Variants in ETFA observed in about 807,000 individuals in gnomAD.
The protein encoded by ETFA is electron transfer flavoprotein subunit alpha, mitochondrial.
ETFA carries 22 observed loss-of-function variants against 46.2 expected under a neutral mutation model. The ratio of observed to expected loss-of-function variants is 0.48; its 90% CI spans 0.34 to 0.68. The LOEUF is 0.68. Among genes scored for constraint, ETFA ranks in the 30% least tolerant of loss-of-function variants. The pLI, the probability that ETFA is intolerant of heterozygous loss-of-function variation, is 0.01. For missense variants in ETFA, 345 were observed against 401.1 expected (o/e 0.86, Z 1.19); for synonymous variants, 131 against 139.9 (o/e 0.94, Z 0.45).
intron 9 of ETFA, 116 bp downstream of exon 9, chr15:76,274,296 T>C: frequency 1.2e-6 from 1 of 817,148 alleles, no homozygotes; most frequent in Non-Finnish European, 2.1e-6. Context: ...ACCATGGTAC[T>C]GGCTAACTGC....
chr15:76,274,849 A>G (rs1400413990), intron 8 of ETFA, among the ~76,000 whole-genome samples: 1 of 152,218 alleles, frequency 6.6e-6, no homozygotes, highest in African/African-American at 2.4e-5. Context: ...AGAGTTTCAT[A>G]TAACAAGATG....
chr15:76,244,329 A>G (rs1433464424), intron 9 of ETFA, among the ~76,000 whole-genome samples: 4 of 152,272 alleles, frequency 2.6e-5, no homozygotes, highest in African/African-American at 9.6e-5. Flanking sequence ...AGTTAAAAAT[A>G]AATTTACTAT....
intron 1 of ETFA, among the ~76,000 whole-genome samples, chr15:76,304,903 C>T (rs996562924): frequency 1.3e-5 from 2 of 151,416 alleles, no homozygotes; most frequent in South Asian, 2.1e-4. Flanking sequence ...ATTAGCCGGG[C>T]GTGGTGGCGG....
chr15:76,292,821 A>G, intron 2 of ETFA, 121 bp from the exon 3 acceptor site: 1 of 782,156 alleles, frequency 1.3e-6, no homozygotes, highest in Non-Finnish European at 2.3e-6. Flanking sequence ...TATTCTTATT[A>G]GCAAAAGGGC....
At chr15:76,302,679 G>A (rs2039891978) in intron 1 of ETFA, among the ~76,000 whole-genome samples, 1 of 152,168 alleles carries the variant, frequency 6.6e-6, no homozygotes, top group African/African-American at 2.4e-5. Context: ...TGGACTCTGG[G>A]AAATGCTGAT....
chr15:76,224,834 G>A (rs967843535), intron 11 of ETFA, among the ~76,000 whole-genome samples: 4 of 152,192 alleles, frequency 2.6e-5, no homozygotes, highest in Non-Finnish European at 2.9e-5. Context: ...GGAAAAAGAA[G>A]AGACCAGGCC....
chr15:76,311,230 C>T (rs996249169), intron 1 of ETFA, 120 bp downstream of exon 1: 27 of 1,214,196 alleles, frequency 2.2e-5, no homozygotes, highest in Non-Finnish European at 2.8e-5. Context: ...AGGCGGGGAC[C>T]GGCCTGCGGG....
chr15:76,299,528 G>A (rs150935359), intron 1 of ETFA, among the ~76,000 whole-genome samples: 144 of 152,044 alleles, frequency 9.5e-4, no homozygotes, highest in East Asian at 2.9e-3. Flanking sequence ...AACGATCCTC[G>A]CACCTTGGCC....
chr15:76,268,851 C>G (rs538357932), intron 9 of ETFA, among the ~76,000 whole-genome samples: 1 of 152,146 alleles, frequency 6.6e-6, no homozygotes, highest in Non-Finnish European at 1.5e-5. Context: ...TCAATTAATT[C>G]AAAAACAAAA....
chr15:76,234,111 C>T (rs1051975297), intron 9 of ETFA, among the ~76,000 whole-genome samples: 2 of 152,156 alleles, frequency 1.3e-5, no homozygotes, highest in African/African-American at 4.8e-5. Flanking sequence ...TTTCTGATCA[C>T]AATAAATGGT....
Position 76,271,916 on chromosome 15 carries a change from C to T in ETFA, c.816+2496G>A, listed in dbSNP as rs7178140. On this transcript the variant is annotated intron_variant, in intron 9 of 11. Coordinates refer to ENST00000557943, the MANE Select transcript of ETFA (RefSeq NM_000126.4). Reference sequence around the variant, plus strand: ...ATATGCGTATATGTGTGTGTATATACACACACACACACACACACACACACC... The same window carrying T: ...ATATGCGTATATGTGTGTGTATATATACACACACACACACACACACACACC... 2.3e-4 allele frequency among the ~76,000 whole-genome samples: 10 copies of T among 44,444 alleles called. No individual in the cohort carries two copies. In the South Asian group the frequency reaches 4.5e-3, roughly 20 times the overall value. 29.2% of individuals were successfully genotyped at this position (44,444 alleles called of 152,430 possible). A position where few individuals can be genotyped will look rare whatever the true frequency, so the allele number is the denominator to read the frequency against.
intron 11 of ETFA, among the ~76,000 whole-genome samples, chr15:76,224,749 T>A (rs1037060484): frequency 1.3e-5 from 2 of 152,154 alleles, no homozygotes; most frequent in African/African-American, 4.8e-5. Flanking sequence ...TAGGGTTGGA[T>A]GCTATTTTCA....
intron 8 of ETFA, among the ~76,000 whole-genome samples, chr15:76,280,668 T>A (rs1445267326): frequency 3.3e-5 from 5 of 152,178 alleles, no homozygotes; most frequent in African/African-American, 1.2e-4. Context: ...GAAAGAGCAA[T>A]CTCTACAATG....
At chr15:76,302,221 A>T (rs2039886080) in intron 1 of ETFA, among the ~76,000 whole-genome samples, 1 of 152,232 alleles carries the variant, frequency 6.6e-6, no homozygotes, top group African/African-American at 2.4e-5. Flanking sequence ...AGGTCCACAC[A>T]AAAACCAGAC....
chr15:76,261,074 C>T, intron 9 of ETFA: 5 of 1,541,014 alleles, frequency 3.2e-6, no homozygotes, highest in Non-Finnish European at 4.5e-6. Context: ...GAGAAGAGGC[C>T]AGGCATTTTA....
intron 9 of ETFA, among the ~76,000 whole-genome samples, chr15:76,270,056 C>T (rs1165145088): frequency 6.6e-6 from 1 of 152,174 alleles, no homozygotes; most frequent in African/African-American, 2.4e-5. Context: ...CAGTAACATC[C>T]ACCAAAATGT....
chr15:76,292,403 T>C (rs374665843), intron 4 of ETFA, 28 bp downstream of exon 4: 2,741 of 1,487,742 alleles, frequency 1.8e-3, no homozygotes, highest in Non-Finnish European at 2.4e-3. Flanking sequence ...AGCAGTGATA[T>C]CAGATTCCAC....
chr15:76,223,513 G>A (rs984906659), intron 11 of ETFA, among the ~76,000 whole-genome samples: 7 of 152,104 alleles, frequency 4.6e-5, no homozygotes, highest in Admixed American at 1.3e-4. Context: ...GTGAGCCACC[G>A]CTCCTGGCCA....
chr15:76,263,933 C>G lies in ETFA; in HGVS notation c.816+10479G>C, dbSNP rs953125837. On this transcript the variant is annotated intron_variant, in intron 9 of 11. Transcript: ENST00000557943. ...GTGAATGGCCACCTCCTCTCTCCCCCTTACTGGGTGAGAAAATGAATCAGC... is the reference window on the plus strand; with the variant it reads ...GTGAATGGCCACCTCCTCTCTCCCCGTTACTGGGTGAGAAAATGAATCAGC... Among the ~76,000 whole-genome samples the G allele has an allele frequency of 6.6e-5, 10 of 152,332 alleles. No homozygotes were observed. The South Asian group carries it at 2.1e-3, about 32-fold the overall frequency.
Sources: gnomAD v4.1 joint callset for allele counts (sites outside exome capture counted in the v4.1 genomes callset) on GRCh38, gnomAD v4.1.1 for gene constraint, MANE v1.5 for transcripts, NCBI Gene and HGNC (gene_info 2026-07-23, HGNC 2026-07-21) for gene names.